RPS6KA3: variants seen among roughly 807,000 people sequenced by gnomAD.
RPS6KA3 encodes the protein ribosomal protein S6 kinase A3, also known as ribosomal protein S6 kinase alpha-3.
Under a neutral mutation model 67.2 loss-of-function variants are expected in RPS6KA3, and 4 were observed. The observed-to-expected ratio is 0.06, with a 90% CI of 0.03 to 0.14. The LOEUF (loss-of-function observed/expected upper bound fraction) is 0.14, where lower values mean the gene tolerates loss of function less well. Among genes scored for constraint, RPS6KA3 ranks in the 10% least tolerant of loss-of-function variants. The pLI is 1.00. For missense variants in RPS6KA3, 204 were observed against 559.0 expected, an observed-to-expected ratio of 0.36 and a Z score of 6.40; for synonymous variants, 182 against 183.7, an observed-to-expected ratio of 0.99 and a Z score of 0.07.
chrX:20,155,351 G>A lies in RPS6KA3; in HGVS notation c.*47C>T. ...TACGTGCTACCTGTCGCCAGAACTT[G>A]TGCTATCAGCTTACACCATGGTACC... On this transcript the variant is annotated 3_prime_UTR_variant, in exon 22 of 22. Coordinates refer to ENST00000379565, the MANE Select transcript of RPS6KA3 (RefSeq NM_004586.3). The A allele has an allele frequency of 8.3e-7, 1 of 1,204,292 alleles. No individual in the cohort carries two copies. The highest frequency in any genetic ancestry group is 1.1e-6 in the Non-Finnish European group (1 of 889,198).
At chrX:20,265,008 T>C (rs1167252137) in intron 1 of RPS6KA3, among the ~76,000 whole-genome samples, 1 of 112,443 alleles carries the variant, frequency 8.9e-6, no homozygotes, top group African/African-American at 3.2e-5. Context: ...ATAGTATTAG[T>C]CTGGTTAACA....
chrX:20,212,610 G>A (rs939669487), intron 2 of RPS6KA3, among the ~76,000 whole-genome samples: 3 of 110,410 alleles, frequency 2.7e-5, no homozygotes, highest in Non-Finnish European at 3.8e-5. Flanking sequence ...TGGTTGGTGC[G>A]AGCCTGTAGT....
chrX:20,227,447 C>T (rs898141309), intron 2 of RPS6KA3, among the ~76,000 whole-genome samples: 4 of 111,411 alleles, frequency 3.6e-5, no homozygotes, highest in South Asian at 3.7e-4. Context: ...ATTTTAAAGG[C>T]GTTGCTCCTT....
intron 2 of RPS6KA3, among the ~76,000 whole-genome samples, chrX:20,222,676 A>G (rs1404083952): frequency 1.8e-5 from 2 of 111,976 alleles, no homozygotes; most frequent in Non-Finnish European, 3.8e-5. Context: ...ATTTAAAGAA[A>G]TAACATTGGT....
At chrX:20,171,065 C>T (rs754975221) in intron 15 of RPS6KA3, among the ~76,000 whole-genome samples, 1 of 112,318 alleles carries the variant, frequency 8.9e-6, no homozygotes, top group African/African-American at 3.2e-5. Flanking sequence ...AAACGTGAGA[C>T]ACTATGTCTG....
intron 2 of RPS6KA3, among the ~76,000 whole-genome samples, chrX:20,211,766 C>A (rs1002293028): frequency 6.3e-5 from 7 of 111,144 alleles, no homozygotes; most frequent in African/African-American, 1.3e-4. Context: ...ACAAAAAAAA[C>A]CAAACCAAAA....
intron 2 of RPS6KA3, chrX:20,218,811 G>A (rs1026040538): frequency 4.2e-6 from 5 of 1,184,698 alleles, no homozygotes; most frequent in South Asian, 3.6e-5. Context: ...TGTATAGAGC[G>A]AACACGAAAA....
rs187481576 is a variant in RPS6KA3 at position 20,162,325 on chromosome X, G to C, written c.1842-564C>G. Among the ~76,000 whole-genome samples, 403 of 95,525 alleles carry C rather than the reference G, an allele frequency of 4.2e-3. 4 individuals are homozygous for C. Among genetic ancestry groups the C allele is most frequent in the African/African-American group, 0.015 (381 of 25,223 alleles). 83.0% of individuals were successfully genotyped at this position (95,525 alleles called of 115,157 possible). Reference sequence around the variant, plus strand: ...CACTCCAGTCTGGGTGATAGAGCAAGACTCCGTCTCAAAAAAAAAAAAAAA... The same window carrying C: ...CACTCCAGTCTGGGTGATAGAGCAACACTCCGTCTCAAAAAAAAAAAAAAA... On this transcript the variant is annotated intron_variant, in intron 19 of 21. Coordinates refer to ENST00000379565, the MANE Select transcript of RPS6KA3 (RefSeq NM_004586.3).
chrX:20,163,067 C>T, intron 18 of RPS6KA3, 27 bp from the exon 19 acceptor site: 1 of 911,109 alleles, frequency 1.1e-6, no homozygotes, highest in Non-Finnish European at 1.6e-6. Context: ...ATTAGTATTA[C>T]TATACCACCA....
chrX:20,243,074 G>A (rs1788751029), intron 1 of RPS6KA3, among the ~76,000 whole-genome samples: 1 of 110,898 alleles, frequency 9.0e-6, no homozygotes, highest in African/African-American at 3.3e-5. Context: ...AATAAAACAA[G>A]CGTTTATAAC....
chrX:20,183,872 C>T (rs2067905920), intron 10 of RPS6KA3, among the ~76,000 whole-genome samples: 1 of 111,770 alleles, frequency 8.9e-6, no homozygotes, highest in Non-Finnish European at 1.9e-5. Context: ...TACTGAGCAC[C>T]TGAAATGTGC....
chrX:20,234,789 G>A lies in RPS6KA3; in HGVS notation c.95C>T (p.Pro32Leu), dbSNP rs752749317. ...TGGGTTAATCTCCTCCTCTCCCATA[G>A]GTTCATCCATAATTTGCTGTCCATT... is the stretch of plus-strand genomic sequence containing the variant. The part of the protein sequence containing the change: ...AENGQQIMDE[P>L]MGEEEINPQT... The change falls in exon 2 of 22, where the codon CCT becomes CTT. Residue 32 changes from proline (P) to leucine (L), a missense_variant. Physicochemically the swap from Pro to Leu is moderately conservative, Grantham distance 98. Coordinates refer to ENST00000379565, the MANE Select transcript of RPS6KA3 (RefSeq NM_004586.3). 3 of 1,203,567 alleles carry A rather than the reference G, an allele frequency of 2.5e-6. No homozygotes were observed. The highest frequency in any genetic ancestry group is 3.4e-6 in the Non-Finnish European group (3 of 888,917).
At chrX:20,256,671 A>G (rs1755567274) in intron 1 of RPS6KA3, among the ~76,000 whole-genome samples, 1 of 111,956 alleles carries the variant, frequency 8.9e-6, no homozygotes, top group South Asian at 3.7e-4. Context: ...TGTATTTGGA[A>G]ACTAACATCA....
intron 1 of RPS6KA3, among the ~76,000 whole-genome samples, chrX:20,255,158 G>T (rs1047043540): frequency 8.9e-6 from 1 of 112,072 alleles, no homozygotes; most frequent in African/African-American, 3.2e-5. Context: ...CCACATAAAA[G>T]AATGAAGTCT....
intron 1 of RPS6KA3, among the ~76,000 whole-genome samples, chrX:20,256,591 AAAT>A (rs1223377455): frequency 6.2e-5 from 7 of 112,076 alleles, no homozygotes; most frequent in Non-Finnish European, 1.3e-4. Context: ...TAGAAATCTC[AAAT>A]AATCTTCCCA....
In RPS6KA3 at chrX:20,178,481, G is replaced by GTTTTTTTTT. The variant is rs59662504; in HGVS notation, c.846-1406_846-1398dup. Among the ~76,000 whole-genome samples, 50 of 84,392 alleles carry GTTTTTTTTT rather than the reference G, an allele frequency of 5.9e-4. 1 individual carries two copies. Among genetic ancestry groups the GTTTTTTTTT allele is most frequent in the African/African-American group, 2.1e-3 (47 of 22,157 alleles). The allele number at this position is 84,392 out of a possible 115,157, so 73.3% of individuals were successfully genotyped here. On this transcript the variant is annotated intron_variant, in intron 10 of 21. Coordinates refer to ENST00000379565, the MANE Select transcript of RPS6KA3 (RefSeq NM_004586.3). ...TGAGAAATCTAGAGCAAACAAATCAGTTTTTTTTTTTTTTTTTTTTAAGAC... is the reference window on the plus strand; with the variant it reads ...TGAGAAATCTAGAGCAAACAAATCAGTTTTTTTTTTTTTTTTTTTTTTTTTTTTTAAGAC...
At chrX:20,241,732 G>A (rs1406192091) in intron 1 of RPS6KA3, 1 of 111,030 alleles carries the variant, frequency 9.0e-6, no homozygotes, top group Non-Finnish European at 1.9e-5. Context: ...CAAAGGAACT[G>A]AAATCAGACT....
At chrX:20,159,807 G>A (rs755531058) in intron 20 of RPS6KA3, among the ~76,000 whole-genome samples, 8 of 111,919 alleles carry the variant, frequency 7.1e-5, no homozygotes, top group African/African-American at 2.6e-4. Flanking sequence ...AAGAATTACT[G>A]CTCCACAGAA....
At chrX:20,161,603 A>T in intron 20 of RPS6KA3, 41 bp downstream of exon 20, 1 of 706,458 alleles carries the variant, frequency 1.4e-6, no homozygotes, top group Non-Finnish European at 2.2e-6. Flanking sequence ...GATCATAAAA[A>T]GTTATTTTCT....
Sources: gnomAD v4.1 joint callset for allele counts (sites outside exome capture counted in the v4.1 genomes callset) on GRCh38, gnomAD v4.1.1 for gene constraint, MANE v1.5 for transcripts, NCBI Gene and HGNC (gene_info 2026-07-23, HGNC 2026-07-21) for gene names.